FAM210A: variants seen among roughly 807,000 people sequenced by gnomAD.
FAM210A encodes family with sequence similarity 210 member A.
A neutral mutation model predicts 25.3 loss-of-function variants in FAM210A; 13 were observed. That is an observed-to-expected ratio of 0.51 (90% CI 0.33 to 0.82). The LOEUF (loss-of-function observed/expected upper bound fraction) is 0.82. FAM210A is among the 40% of genes least tolerant of loss of function. The pLI is 0.02. For missense variants in FAM210A, 319 were observed against 323.2 expected (o/e 0.99, Z 0.10); for synonymous variants, 125 against 118.7 (o/e 1.05, Z -0.35).
intron 1 of FAM210A, among the ~76,000 whole-genome samples, chr18:13,708,720 C>T (rs1277295261): frequency 6.6e-6 from 1 of 152,184 alleles, no homozygotes; most frequent in Non-Finnish European, 1.5e-5. Flanking sequence ...TCTGATACTG[C>T]TCCACAAGTG....
intron 1 of FAM210A, chr18:13,697,419 C>T (rs116991930): frequency 0.018 from 2,889 of 162,004 alleles, 31 homozygotes; most frequent in Middle Eastern, 0.054. Flanking sequence ...AAAACATTAA[C>T]ACCACCAAAT....
chr18:13,686,060 T>C (rs564929324), intron 1 of FAM210A, among the ~76,000 whole-genome samples: 12 of 152,054 alleles, frequency 7.9e-5, no homozygotes, highest in African/African-American at 2.4e-4. Context: ...AATTCATAAA[T>C]CTCTAGCCAA....
chr18:13,684,665 G>C (rs1034826441), intron 1 of FAM210A, among the ~76,000 whole-genome samples: 1 of 152,216 alleles, frequency 6.6e-6, no homozygotes, highest in South Asian at 2.1e-4. Flanking sequence ...CAGAATGTCT[G>C]TAAGGATAGA....
chr18:13,725,252 A>G (rs1451247392), intron 1 of FAM210A, among the ~76,000 whole-genome samples: 4 of 152,220 alleles, frequency 2.6e-5, no homozygotes, highest in Non-Finnish European at 5.9e-5. Flanking sequence ...GCAGTTGTCA[A>G]TATTCATGTA....
At chr18:13,719,058 T>C (rs892013600) in intron 1 of FAM210A, among the ~76,000 whole-genome samples, 2 of 152,198 alleles carry the variant, frequency 1.3e-5, no homozygotes, top group African/African-American at 4.8e-5. Context: ...AAATAAAAAT[T>C]TGCATTTAGA....
chr18:13,715,868 T>C (rs2043857806), intron 1 of FAM210A, among the ~76,000 whole-genome samples: 1 of 152,198 alleles, frequency 6.6e-6, no homozygotes, highest in Admixed American at 6.5e-5. Flanking sequence ...CCTAGTAAAG[T>C]AGGTGCTATC....
intron 2 of FAM210A, among the ~76,000 whole-genome samples, 176 bp from the exon 3 acceptor site, chr18:13,672,149 T>C (rs2043448572): frequency 6.6e-6 from 1 of 152,232 alleles, no homozygotes; most frequent in Non-Finnish European, 1.5e-5. Context: ...ATGTACAATA[T>C]GCAACATGCA....
chr18:13,693,705 T>C (rs1444701678), intron 1 of FAM210A, among the ~76,000 whole-genome samples: 1 of 152,204 alleles, frequency 6.6e-6, no homozygotes, highest in African/African-American at 2.4e-5. Context: ...CCCTTCATGC[T>C]AAAAACTCTC....
At chr18:13,690,376 A>G (rs1786551) in intron 1 of FAM210A, among the ~76,000 whole-genome samples, 140,424 of 152,314 alleles carry the variant, frequency 0.92, 64,779 homozygotes, top group East Asian at 0.97. Flanking sequence ...AGACTGAAAC[A>G]TCCCCATCTG....
At chr18:13,715,989 T>C (rs990853308) in intron 1 of FAM210A, among the ~76,000 whole-genome samples, 2 of 152,228 alleles carry the variant, frequency 1.3e-5, no homozygotes, top group Non-Finnish European at 2.9e-5. Context: ...ATATCTGTGC[T>C]GTTCAATAAG....
chr18:13,712,977 C>T (rs765983855), intron 1 of FAM210A, among the ~76,000 whole-genome samples: 17 of 152,238 alleles, frequency 1.1e-4, no homozygotes, highest in South Asian at 4.1e-4. Flanking sequence ...GCTCATTTGC[C>T]GCCCTGGCTT....
At position 13,666,678 on chromosome 18, in the gene FAM210A, T is replaced by C. The variant is rs2043404166; in HGVS notation, c.621A>G (p.Gly207=). 5.0e-6 allele frequency: 8 copies of C among 1,614,092 alleles called. No individual in the cohort carries two copies. In the Middle Eastern group the frequency reaches 6.6e-4, roughly 133 times the overall value. Residue 207 remains glycine (G), a synonymous_variant, in exon 4 of 4, where the codon GGA becomes GGG. Transcript: ENST00000651643. ...ATPARYTVTL[G]GTSVTVKYLR... is the part of the protein sequence containing the mutation. ...GATACTTCACAGTGACAGATGTTCC[T>C]CCCAAAGTCACGGTATACCGAGCAG...
At chr18:13,683,420 C>T (rs904807333) in intron 1 of FAM210A, among the ~76,000 whole-genome samples, 12 of 152,144 alleles carry the variant, frequency 7.9e-5, no homozygotes, top group Middle Eastern at 3.4e-3. Context: ...TACAAGATGG[C>T]GAGACACAGT....
chr18:13,711,707 G>A (rs1172020740), intron 1 of FAM210A, among the ~76,000 whole-genome samples: 3 of 152,052 alleles, frequency 2.0e-5, no homozygotes, highest in Admixed American at 1.3e-4. Flanking sequence ...CATTTTATCT[G>A]GGCAATAACT....
intron 1 of FAM210A, among the ~76,000 whole-genome samples, chr18:13,706,503 G>A (rs927204522): frequency 2.6e-5 from 4 of 152,182 alleles, no homozygotes; most frequent in African/African-American, 9.7e-5. Context: ...TACATATGTT[G>A]CCTCATAATC....
At chr18:13,677,043 C>T (rs1166631264) in intron 2 of FAM210A, among the ~76,000 whole-genome samples, 1 of 151,672 alleles carries the variant, frequency 6.6e-6, no homozygotes, top group African/African-American at 2.4e-5. Flanking sequence ...AACTGAGCTC[C>T]CTGAGTGAGC....
chr18:13,718,808 A>C (rs1281057922), intron 1 of FAM210A, among the ~76,000 whole-genome samples: 2 of 152,220 alleles, frequency 1.3e-5, no homozygotes, highest in African/African-American at 4.8e-5. Flanking sequence ...TTTTACACCA[A>C]GTAAATCGCA....
chr18:13,676,879 T>A (rs1031301750), intron 2 of FAM210A, among the ~76,000 whole-genome samples: 1 of 152,100 alleles, frequency 6.6e-6, no homozygotes, highest in South Asian at 2.1e-4. Context: ...ATGGACACTG[T>A]CCACCTCAGC....
intron 1 of FAM210A, among the ~76,000 whole-genome samples, chr18:13,687,360 C>G (rs1005350164): frequency 6.6e-6 from 1 of 152,136 alleles, no homozygotes; most frequent in Non-Finnish European, 1.5e-5. Context: ...GATAAATTGG[C>G]AGCAGGGGCC....
Sources: gnomAD v4.1 joint callset for allele counts (sites outside exome capture counted in the v4.1 genomes callset) on GRCh38, gnomAD v4.1.1 for gene constraint, MANE v1.5 for transcripts, NCBI Gene and HGNC (gene_info 2026-07-23, HGNC 2026-07-21) for gene names.